EDA: variants seen among roughly 807,000 people sequenced by gnomAD.
EDA encodes the protein ectodysplasin-A.
A neutral mutation model predicts 23.6 loss-of-function variants in EDA; 2 were observed. That is an observed-to-expected ratio of 0.08 (90% CI 0.03 to 0.27). The LOEUF (loss-of-function observed/expected upper bound fraction) is 0.27. EDA is among the 10% of genes least tolerant of loss of function. The pLI, the probability that EDA is intolerant of heterozygous loss-of-function variation, is 1.00. For missense variants in EDA, 229 were observed against 324.2 expected, an observed-to-expected ratio of 0.71 and a Z score of 2.26; for synonymous variants, 131 against 132.0, an observed-to-expected ratio of 0.99 and a Z score of 0.05.
At chrX:69,709,172 ATTTG>A (rs2011863595) in intron 1 of EDA, among the ~76,000 whole-genome samples, 1 of 111,901 alleles carries the variant, frequency 8.9e-6, no homozygotes, top group African/African-American at 3.2e-5. Flanking sequence ...AAGGCTTTTT[ATTTG>A]TTTATGTTAT....
chrX:69,903,226 C>G (rs2018122788), intron 1 of EDA, among the ~76,000 whole-genome samples: 1 of 111,240 alleles, frequency 9.0e-6, no homozygotes, highest in Non-Finnish European at 1.9e-5. Context: ...ATTCTCTCAA[C>G]AAAACTACAC....
At chrX:69,912,893 G>T (rs186111497) in intron 1 of EDA, among the ~76,000 whole-genome samples, 1 of 106,866 alleles carries the variant, frequency 9.4e-6, no homozygotes, top group Non-Finnish European at 1.9e-5. Flanking sequence ...TCAGCCTCCT[G>T]AGTAGCTGGG....
In EDA at chrX:69,688,833, T is replaced by C. The variant is rs749126373; in HGVS notation, c.396+72129T>C. Among the ~76,000 whole-genome samples the C allele has an allele frequency of 9.8e-5, 11 of 112,034 alleles. No individual in the cohort carries two copies. The South Asian group carries it at 4.1e-3, about 42-fold the overall frequency. ...AAGGTCTAGGCTATGGAGAGGTAAA[T>C]GGCATGCCCAGAAGTTTGTATTTTA... On this transcript the variant is annotated intron_variant, in intron 1 of 7. Transcript: ENST00000374552.
intron 1 of EDA, among the ~76,000 whole-genome samples, chrX:69,708,272 T>C (rs1393194987): frequency 1.8e-5 from 2 of 112,074 alleles, no homozygotes; most frequent in Non-Finnish European, 3.8e-5. Flanking sequence ...GACAGCTTGA[T>C]TGGTTACAGC....
chrX:69,859,980 C>A (rs994972580), intron 1 of EDA, among the ~76,000 whole-genome samples: 2 of 82,117 alleles, frequency 2.4e-5, no homozygotes, highest in South Asian at 1.2e-3. Flanking sequence ...ATATAATGCC[C>A]TTCCTTGTAT....
chrX:69,951,456 A>G (rs1012832227), intron 1 of EDA, among the ~76,000 whole-genome samples: 1 of 111,617 alleles, frequency 9.0e-6, no homozygotes, highest in African/African-American at 3.3e-5. Flanking sequence ...AAGACAATCT[A>G]ATTATTCTTT....
At position 69,703,805 on chromosome X, in the gene EDA, T is replaced by G. The variant is rs187963156; in HGVS notation, c.396+87101T>G. Among the ~76,000 whole-genome samples the G allele has an allele frequency of 2.7e-5, 3 of 111,698 alleles. No individual in the cohort carries two copies. The Admixed American group carries it at 2.8e-4, about 11-fold the overall frequency. The stretch of plus-strand genomic sequence containing the variant: ...GGGAGGAGTTATTCATTCCCTTAAG[T>G]TTCAGGCCCTGGGGAGAATCTTTCA... On this transcript the variant is annotated intron_variant, in intron 1 of 7. Coordinates refer to ENST00000374552, the MANE Select transcript of EDA (RefSeq NM_001399.5).
At chrX:69,897,933 A>G (rs920062770) in intron 1 of EDA, among the ~76,000 whole-genome samples, 2 of 112,403 alleles carry the variant, frequency 1.8e-5, no homozygotes, top group Non-Finnish European at 3.8e-5. Flanking sequence ...TCTGTATTGT[A>G]TCACAGTCTT....
intron 1 of EDA, among the ~76,000 whole-genome samples, chrX:69,738,513 T>G (rs2147369927): frequency 9.3e-6 from 1 of 108,057 alleles, no homozygotes; most frequent in African/African-American, 3.3e-5. Flanking sequence ...TGTCTTAATC[T>G]TTATTAATTC....
At chrX:69,780,769 A>C (rs2014918252) in intron 1 of EDA, among the ~76,000 whole-genome samples, 2 of 110,766 alleles carry the variant, frequency 1.8e-5, no homozygotes, top group African/African-American at 6.6e-5. Flanking sequence ...CTTCTCTTTC[A>C]TCCTTCCACC....
intron 1 of EDA, among the ~76,000 whole-genome samples, chrX:69,955,833 A>C (rs1161145035): frequency 1.8e-5 from 2 of 111,918 alleles, no homozygotes; most frequent in Non-Finnish European, 3.8e-5. Context: ...TAAGTGGCAG[A>C]GTTGGCATTA....
At chrX:69,735,370 C>CG (rs2013215396) in intron 1 of EDA, among the ~76,000 whole-genome samples, 2 of 110,842 alleles carry the variant, frequency 1.8e-5, no homozygotes, top group African/African-American at 3.3e-5. Flanking sequence ...TCATATGCTA[C>CG]AGCATGGATG....
rs748479313 is a variant in EDA at position 69,972,139 on chromosome X, A to G, written c.502+15007A>G. Among the ~76,000 whole-genome samples the G allele has an allele frequency of 2.7e-5, 3 of 111,875 alleles. No individual in the cohort carries two copies. The Admixed American group carries it at 2.8e-4, about 11-fold the overall frequency. On this transcript the variant is annotated intron_variant, in intron 2 of 7. Coordinates refer to ENST00000374552, the MANE Select transcript of EDA (RefSeq NM_001399.5). ...TCCTCAAAGGGCTATACTGTGTAAT[A>G]TACATAATGTTCCATTTTCACATTT... is the stretch of plus-strand genomic sequence containing the variant.
At chrX:70,027,464 G>C (rs1042629910) in intron 3 of EDA, among the ~76,000 whole-genome samples, 12 of 111,740 alleles carry the variant, frequency 1.1e-4, no homozygotes, top group Non-Finnish European at 1.9e-4. Context: ...CCAGAGAGCT[G>C]ACTTTGTGTC....
chrX:69,666,912 CT>C (rs1269251441), intron 1 of EDA, among the ~76,000 whole-genome samples: 1 of 110,556 alleles, frequency 9.0e-6, no homozygotes, highest in African/African-American at 3.3e-5. Context: ...ATGAAGCTAC[CT>C]GGTTTTGGGT....
At chrX:69,886,221 G>GC (rs770885002) in intron 1 of EDA, among the ~76,000 whole-genome samples, 109 of 111,980 alleles carry the variant, frequency 9.7e-4, no homozygotes, top group African/African-American at 3.5e-3. Flanking sequence ...AGTGGCATCA[G>GC]CCCCCCTCAG....
chrX:70,010,324 G>A (rs1200715217), intron 2 of EDA, among the ~76,000 whole-genome samples: 1 of 112,008 alleles, frequency 8.9e-6, no homozygotes, highest in Non-Finnish European at 1.9e-5. Flanking sequence ...ATGTTTTCCT[G>A]GAGTACTGAC....
intron 1 of EDA, among the ~76,000 whole-genome samples, chrX:69,653,301 C>T (rs1602255452): frequency 9.0e-6 from 1 of 111,351 alleles, no homozygotes; most frequent in South Asian, 3.8e-4. Context: ...TATAAGAATG[C>T]TTGTGATTTT....
chrX:69,763,438 TATGCTCTCTAAAG>T (rs2014371821), intron 1 of EDA, among the ~76,000 whole-genome samples: 1 of 112,090 alleles, frequency 8.9e-6, no homozygotes, highest in African/African-American at 3.2e-5. Flanking sequence ...GAGCAAATGG[TATGCTCTCTAAAG>T]ATAATCAGAT....
Sources: gnomAD v4.1 joint callset for allele counts (sites outside exome capture counted in the v4.1 genomes callset) on GRCh38, gnomAD v4.1.1 for gene constraint, MANE v1.5 for transcripts, NCBI Gene and HGNC (gene_info 2026-07-23, HGNC 2026-07-21) for gene names.